The following ERBB4 variants were observed in gnomAD, a reference collection of about 807,000 sequenced individuals.
The protein encoded by ERBB4 is erb-b2 receptor tyrosine kinase 4, also known as receptor tyrosine-protein kinase erbB-4.
In ERBB4, 42 loss-of-function variants were observed where a neutral mutation model predicts 158.0. That is an observed-to-expected ratio of 0.27 (90% CI 0.21 to 0.34). The LOEUF (loss-of-function observed/expected upper bound fraction) is 0.34. Among genes scored for constraint, ERBB4 ranks in the 10% least tolerant of loss-of-function variants. The pLI, the probability that ERBB4 is intolerant of heterozygous loss-of-function variation, is 1.00. For missense variants in ERBB4, 1,333 were observed against 1,624.1 expected (o/e 0.82, Z 3.08); for synonymous variants, 583 against 558.7 (o/e 1.04, Z -0.61).
chr2:211,786,007 CAG>C (rs955025801), intron 4 of ERBB4, among the ~76,000 whole-genome samples: 1 of 152,058 alleles, frequency 6.6e-6, no homozygotes, highest in Non-Finnish European at 1.5e-5. Context: ...ATTAAAAATT[CAG>C]AGTTTGTTTT....
chr2:211,949,978 G>A (rs1190907218), intron 2 of ERBB4, among the ~76,000 whole-genome samples: 1 of 152,078 alleles, frequency 6.6e-6, no homozygotes, highest in Non-Finnish European at 1.5e-5. Flanking sequence ...TTGTTAACTT[G>A]TGTGTCTCAT....
intron 1 of ERBB4, among the ~76,000 whole-genome samples, chr2:212,177,040 CA>C (rs558835213): frequency 7.3e-5 from 11 of 150,994 alleles, no homozygotes; most frequent in South Asian, 2.1e-4. Flanking sequence ...GCAACATCTT[CA>C]AAAAAAATTA....
intron 4 of ERBB4, among the ~76,000 whole-genome samples, chr2:211,783,166 G>C (rs535029916): frequency 6.6e-6 from 1 of 152,266 alleles, no homozygotes; most frequent in Non-Finnish European, 1.5e-5. Context: ...TTGGCTCTCT[G>C]TTTGTCTGTT....
In ERBB4 at chr2:211,732,972, G is replaced by A. The variant is rs189209920; in HGVS notation, c.623-7778C>T. Among the ~76,000 whole-genome samples, 86 of 152,156 alleles carry A rather than the reference G, an allele frequency of 5.7e-4. 2 individuals are homozygous for A. Among genetic ancestry groups the A allele is most frequent in the African/African-American group, 1.7e-3 (71 of 41,534 alleles). On this transcript the variant is annotated intron_variant, in intron 5 of 27. Coordinates refer to ENST00000342788, the MANE Select transcript of ERBB4 (RefSeq NM_005235.3). ...AGCCTGCGTGACTGAGTGAGACTCC[G>A]TCTCAAAAAACAAAAAACAAACACA...
At chr2:212,235,710 A>G (rs1391668583) in intron 1 of ERBB4, among the ~76,000 whole-genome samples, 3 of 151,886 alleles carry the variant, frequency 2.0e-5, no homozygotes, top group Non-Finnish European at 4.4e-5. Context: ...ATTCCTAGGT[A>G]TTTTATTCTC....
chr2:212,446,690 GAAAACTTAGCATAGCCTTTATTATAAAGA>G (rs1333693303), intron 1 of ERBB4, among the ~76,000 whole-genome samples: 13 of 131,314 alleles, frequency 9.9e-5, no homozygotes, highest in African/African-American at 1.9e-4. Context: ...CAGGGTATGT[GAAAACTTAGCATAGCCTTTATTATAAAGA>G]AAAAGTAAAA....
At chr2:211,880,767 T>C (rs2106148028) in intron 3 of ERBB4, among the ~76,000 whole-genome samples, 1 of 149,322 alleles carries the variant, frequency 6.7e-6, no homozygotes, top group East Asian at 1.9e-4. Context: ...ATGGGGAAAA[T>C]GTCCCAAAGA....
chr2:212,191,933 A>T (rs1346054317), intron 1 of ERBB4, among the ~76,000 whole-genome samples: 1 of 141,718 alleles, frequency 7.1e-6, no homozygotes, highest in Non-Finnish European at 1.5e-5. Context: ...GTTATATATT[A>T]TATATGATGC....
chr2:211,606,561 T>TA (rs1358231904), intron 19 of ERBB4, among the ~76,000 whole-genome samples: 1 of 152,024 alleles, frequency 6.6e-6, no homozygotes. Context: ...AGTATAAAGA[T>TA]ACACTAAAAA....
intron 12 of ERBB4, among the ~76,000 whole-genome samples, chr2:211,695,083 TTG>T (rs753025253): frequency 4.8e-4 from 73 of 152,190 alleles, no homozygotes; most frequent in Non-Finnish European, 8.8e-4. Context: ...CTGTATTTTG[TTG>T]TTTTATCACA....
chr2:211,433,933 C>T (rs1326387577), intron 20 of ERBB4, among the ~76,000 whole-genome samples: 3 of 152,252 alleles, frequency 2.0e-5, no homozygotes, highest in Middle Eastern at 3.4e-3. Context: ...TTACAACACT[C>T]GTCTGCTCCT....
chr2:211,942,558 T>C (rs1428834835), intron 3 of ERBB4, among the ~76,000 whole-genome samples: 1 of 152,012 alleles, frequency 6.6e-6, no homozygotes, highest in Admixed American at 6.6e-5. Flanking sequence ...GCAAACTTCA[T>C]ATATTATTTT....
intron 2 of ERBB4, among the ~76,000 whole-genome samples, chr2:211,964,051 G>A (rs1329968330): frequency 6.6e-6 from 1 of 152,114 alleles, no homozygotes; most frequent in Non-Finnish European, 1.5e-5. Context: ...AAAGGAAACT[G>A]GACAAAGACA....
intron 27 of ERBB4, among the ~76,000 whole-genome samples, 170 bp from the exon 28 acceptor site, chr2:211,384,230 AGAGT>A (rs1370277644): frequency 6.6e-6 from 1 of 152,176 alleles, no homozygotes; most frequent in African/African-American, 2.4e-5. Context: ...TATGAAAAAA[AGAGT>A]AAGTGGGTCA....
chr2:212,329,065 C>T (rs2088002752), intron 1 of ERBB4, among the ~76,000 whole-genome samples: 2 of 151,944 alleles, frequency 1.3e-5, no homozygotes, highest in Non-Finnish European at 2.9e-5. Flanking sequence ...ACACATTGTA[C>T]TAAGAACTTG....
intron 3 of ERBB4, among the ~76,000 whole-genome samples, chr2:211,940,825 C>T (rs1021185669): frequency 1.3e-5 from 2 of 152,150 alleles, no homozygotes; most frequent in Non-Finnish European, 2.9e-5. Context: ...ATTCTTGGTA[C>T]AGCAGGAGGA....
intron 2 of ERBB4, among the ~76,000 whole-genome samples, chr2:211,952,430 T>C (rs937308892): frequency 2.0e-5 from 3 of 152,136 alleles, no homozygotes; most frequent in Middle Eastern, 3.2e-3. Flanking sequence ...TTATATGTTA[T>C]AATGTCTGAT....
chr2:211,936,915 T>A (rs543717470), intron 3 of ERBB4, among the ~76,000 whole-genome samples: 6 of 152,278 alleles, frequency 3.9e-5, no homozygotes, highest in Admixed American at 1.3e-4. Context: ...AAAATTCTAT[T>A]CATCATTTAC....
chr2:212,149,254 G>A (rs1419696220), intron 1 of ERBB4, among the ~76,000 whole-genome samples: 1 of 152,044 alleles, frequency 6.6e-6, no homozygotes, highest in African/African-American at 2.4e-5. Flanking sequence ...TATCTTTCAT[G>A]ACATTCCTGT....
Sources: gnomAD v4.1 joint callset for allele counts (sites outside exome capture counted in the v4.1 genomes callset) on GRCh38, gnomAD v4.1.1 for gene constraint, MANE v1.5 for transcripts, NCBI Gene and HGNC (gene_info 2026-07-23, HGNC 2026-07-21) for gene names.